Variants in NKAIN3 observed in about 807,000 individuals in gnomAD.
NKAIN3 encodes sodium/potassium-transporting ATPase subunit beta-1-interacting protein 3.
NKAIN3 carries 25 observed loss-of-function variants against 30.2 expected under a neutral mutation model. The ratio of observed to expected loss-of-function variants is 0.83; its 90% CI spans 0.60 to 1.16. The LOEUF is 1.16. Ranked by LOEUF, NKAIN3 falls within the 50% of genes most tolerant of loss-of-function variation. NKAIN3 has a pLI of 0.00. For synonymous variants in NKAIN3, 91 were observed against 89.6 expected (o/e 1.02, Z -0.09); for missense variants, 225 against 254.1 (o/e 0.89, Z 0.78).
intron 4 of NKAIN3, among the ~76,000 whole-genome samples, chr8:62,755,536 CTTTT>C (rs958601357): frequency 6.6e-6 from 1 of 151,214 alleles, no homozygotes; most frequent in Non-Finnish European, 1.5e-5. Context: ...ATATTGGACT[CTTTT>C]TTTTTCTCTT....
At chr8:62,282,553 G>A (rs1366189463) in intron 1 of NKAIN3, among the ~76,000 whole-genome samples, 1 of 152,150 alleles carries the variant, frequency 6.6e-6, no homozygotes, top group African/African-American at 2.4e-5. Flanking sequence ...AAAAGGATTT[G>A]TTGACTGATG....
chr8:62,861,241 T>A (rs1820230743), intron 4 of NKAIN3, among the ~76,000 whole-genome samples: 1 of 152,184 alleles, frequency 6.6e-6, no homozygotes, highest in African/African-American at 2.4e-5. Context: ...CAAGAACTGG[T>A]CTTAGTCACA....
At chr8:62,431,223 G>C (rs1397051204) in intron 1 of NKAIN3, among the ~76,000 whole-genome samples, 1 of 151,646 alleles carries the variant, frequency 6.6e-6, no homozygotes, top group Non-Finnish European at 1.5e-5. Context: ...CATTAGTCAG[G>C]CTGCATTCTT....
intron 4 of NKAIN3, among the ~76,000 whole-genome samples, chr8:62,901,808 T>C (rs1298224545): frequency 6.6e-6 from 1 of 152,112 alleles, no homozygotes. Context: ...AACTATAAAC[T>C]CCATATTTCT....
At chr8:62,715,230 T>G (rs995978838) in intron 3 of NKAIN3, among the ~76,000 whole-genome samples, 5 of 152,130 alleles carry the variant, frequency 3.3e-5, no homozygotes, top group Admixed American at 2.6e-4. Context: ...ACATTGGAGA[T>G]TACAGTTCAA....
chr8:62,503,333 C>T (rs1454268585), intron 1 of NKAIN3, among the ~76,000 whole-genome samples: 1 of 152,168 alleles, frequency 6.6e-6, no homozygotes, highest in Non-Finnish European at 1.5e-5. Context: ...GAGTAGGTCA[C>T]ATGCTTCAAG....
At chr8:62,684,300 T>C (rs1813731239) in intron 3 of NKAIN3, among the ~76,000 whole-genome samples, 1 of 152,218 alleles carries the variant, frequency 6.6e-6, no homozygotes, top group Non-Finnish European at 1.5e-5. Context: ...GAAGTGTCAA[T>C]TTCCTCTTCT....
rs765245363 is a variant in NKAIN3, at chr8:62,968,386, G to T, written c.*2979G>T. Among the ~76,000 whole-genome samples, 2 of 152,162 alleles carry T rather than the reference G, an allele frequency of 1.3e-5. No individual in the cohort carries two copies. Among genetic ancestry groups the T allele is most frequent in the East Asian group, 3.9e-4 (2 of 5,194 alleles). ...TTATAGAATGCACTCTGCATTGTGC[G>T]TATCCAGTAGGGTTTTCAGCAAAGA... On this transcript the variant is annotated 3_prime_UTR_variant, in exon 7 of 7. Coordinates refer to ENST00000623646, the MANE Select transcript of NKAIN3 (RefSeq NM_001304533.3).
chr8:62,855,419 T>C, intron 4 of NKAIN3: 1 of 1,015,098 alleles, frequency 9.9e-7, no homozygotes, highest in Non-Finnish European at 1.6e-6. Flanking sequence ...GATATTGGCC[T>C]TCAGCTCCTC....
intron 3 of NKAIN3, among the ~76,000 whole-genome samples, chr8:62,709,655 T>C (rs1472891109): frequency 6.6e-6 from 1 of 152,172 alleles, no homozygotes; most frequent in South Asian, 2.1e-4. Context: ...ATTTTATTTA[T>C]CCTTTCAAAG....
At chr8:62,543,620 C>A (rs568389022) in intron 1 of NKAIN3, among the ~76,000 whole-genome samples, 1 of 152,106 alleles carries the variant, frequency 6.6e-6, no homozygotes, top group Non-Finnish European at 1.5e-5. Context: ...TCATGGGTAC[C>A]GTACTCTTAG....
At chr8:62,583,084 A>G (rs936552587) in intron 2 of NKAIN3, among the ~76,000 whole-genome samples, 1 of 152,138 alleles carries the variant, frequency 6.6e-6, no homozygotes, top group Non-Finnish European at 1.5e-5. Context: ...TGTCTTGAGT[A>G]TGTTTTATAA....
intron 1 of NKAIN3, among the ~76,000 whole-genome samples, chr8:62,253,059 A>C (rs1812159829): frequency 6.6e-6 from 1 of 152,160 alleles, no homozygotes; most frequent in Non-Finnish European, 1.5e-5. Context: ...GTTCAATGTA[A>C]CTTTGGCATG....
intron 1 of NKAIN3, among the ~76,000 whole-genome samples, chr8:62,457,541 G>A (rs1805858494): frequency 6.6e-6 from 1 of 152,274 alleles, no homozygotes; most frequent in African/African-American, 2.4e-5. Context: ...AGCACTTGAT[G>A]ATTTCCACTT....
intron 1 of NKAIN3, among the ~76,000 whole-genome samples, chr8:62,519,617 C>G (rs1180768318): frequency 6.6e-6 from 1 of 152,154 alleles, no homozygotes; most frequent in Admixed American, 6.6e-5. Flanking sequence ...ATTCAGCCTT[C>G]TGTGGGCATC....
chr8:62,559,807 G>A (rs1326622214), intron 1 of NKAIN3, among the ~76,000 whole-genome samples: 1 of 152,018 alleles, frequency 6.6e-6, no homozygotes, highest in Non-Finnish European at 1.5e-5. Flanking sequence ...AATTTAGAAA[G>A]CTCAAGAGGA....
chr8:62,285,717 C>T (rs991637301), intron 1 of NKAIN3, among the ~76,000 whole-genome samples: 5 of 152,134 alleles, frequency 3.3e-5, no homozygotes, highest in African/African-American at 1.2e-4. Context: ...TCCACTCTGT[C>T]CAATCCCTTT....
intron 4 of NKAIN3, among the ~76,000 whole-genome samples, chr8:62,892,904 G>A (rs1821334216): frequency 6.6e-6 from 1 of 152,104 alleles, no homozygotes; most frequent in African/African-American, 2.4e-5. Context: ...AGTTCTGTGG[G>A]TCAATTTCAT....
intron 3 of NKAIN3, among the ~76,000 whole-genome samples, chr8:62,708,135 G>A (rs1178159661): frequency 6.6e-6 from 1 of 152,126 alleles, no homozygotes; most frequent in Admixed American, 6.6e-5. Context: ...TGGCCTTACA[G>A]TATAGTTTGA....
Sources: gnomAD v4.1 joint callset for allele counts (sites outside exome capture counted in the v4.1 genomes callset) on GRCh38, gnomAD v4.1.1 for gene constraint, MANE v1.5 for transcripts, NCBI Gene and HGNC (gene_info 2026-07-23, HGNC 2026-07-21) for gene names.